Variants in RASEF observed in about 807,000 individuals in gnomAD.
RASEF encodes the protein ras and EF-hand domain-containing protein.
RASEF carries 68 observed loss-of-function variants against 90.1 expected under a neutral mutation model. That is an observed-to-expected ratio of 0.75 (90% CI 0.62 to 0.92). The LOEUF (loss-of-function observed/expected upper bound fraction) is 0.92, where lower values mean the gene tolerates loss of function less well. Among genes scored for constraint, RASEF ranks in the 40% least tolerant of loss-of-function variants. The pLI is 0.00. For synonymous variants in RASEF, 331 were observed against 345.2 expected (o/e 0.96, Z 0.46); for missense variants, 949 against 937.2 (o/e 1.01, Z -0.16).
Position 82,982,796 on chromosome 9 carries a change from A to C in RASEF, c.2118-14T>G. 1 of 1,212,932 alleles carries C rather than the reference A, an allele frequency of 8.2e-7. No homozygotes were observed. Among genetic ancestry groups the C allele is most frequent in the Non-Finnish European group, 1.2e-6 (1 of 837,270 alleles). 75.1% of individuals were successfully genotyped at this position (1,212,932 alleles called of 1,614,324 possible). On this transcript the variant is annotated splice_polypyrimidine_tract_variant and intron_variant, in intron 16 of 16. Transcript: ENST00000376447. ...TTTTTCACTTCTCTGAGACAGAGAT[A>C]GAGAGAGACAGAGAGAGAGAGAGAG...
At chr9:83,057,856 T>A (rs915975394) in intron 1 of RASEF, among the ~76,000 whole-genome samples, 1 of 145,082 alleles carries the variant, frequency 6.9e-6, no homozygotes, top group Admixed American at 6.8e-5. Flanking sequence ...CATATATATA[T>A]ATATATATAT....
At chr9:83,120,997 T>C in the RASEF span, among the ~76,000 whole-genome samples, 1 of 152,196 alleles carries the variant, frequency 6.6e-6, no homozygotes, top group Non-Finnish European at 1.5e-5. Context: ...AACCATTAAG[T>C]AGTTAAAGAT....
intron 1 of RASEF, among the ~76,000 whole-genome samples, chr9:83,049,669 T>A (rs1830005927): frequency 1.3e-5 from 2 of 149,078 alleles, no homozygotes; most frequent in South Asian, 2.1e-4. Flanking sequence ...TAGGTATATC[T>A]CCCAATGCTA....
chr9:83,009,388 T>G (rs991439329), intron 6 of RASEF, among the ~76,000 whole-genome samples: 2 of 152,178 alleles, frequency 1.3e-5, no homozygotes, highest in Admixed American at 1.3e-4. Flanking sequence ...GTATATTCTT[T>G]TAGCTCCCAG....
chr9:83,114,768 G>C, the RASEF span, among the ~76,000 whole-genome samples: 4 of 152,280 alleles, frequency 2.6e-5, no homozygotes, highest in Admixed American at 2.6e-4. Context: ...CAGACCGGTT[G>C]TCTGTTCTCA....
the RASEF span, among the ~76,000 whole-genome samples, chr9:83,102,757 G>A: frequency 3.3e-4 from 51 of 152,290 alleles, no homozygotes; most frequent in African/African-American, 1.2e-3. Flanking sequence ...CTGGGGCACA[G>A]GGGCCACCCC....
chr9:83,001,587 T>C (rs1487368128), intron 9 of RASEF, among the ~76,000 whole-genome samples: 1 of 152,128 alleles, frequency 6.6e-6, no homozygotes, highest in African/African-American at 2.4e-5. Context: ...AACCACAATG[T>C]CAGACTCAAG....
chr9:83,023,478 A>ACTCC (rs1213007719), intron 2 of RASEF, among the ~76,000 whole-genome samples: 1 of 151,350 alleles, frequency 6.6e-6, no homozygotes, highest in Non-Finnish European at 1.5e-5. Flanking sequence ...TGACTTATTT[A>ACTCC]CTCCCTCACA....
chr9:83,168,819 G>T, the RASEF span, among the ~76,000 whole-genome samples: 1 of 151,468 alleles, frequency 6.6e-6, no homozygotes, highest in Non-Finnish European at 1.5e-5. Flanking sequence ...ACAAACATTT[G>T]TCATTTATTT....
At chr9:83,098,804 G>A in the RASEF span, among the ~76,000 whole-genome samples, 54 of 152,180 alleles carry the variant, frequency 3.5e-4, no homozygotes, top group Middle Eastern at 3.4e-3. Context: ...ATTTGCTACC[G>A]TGAAAACAGG....
the RASEF span, among the ~76,000 whole-genome samples, chr9:83,092,131 C>T: frequency 1.4e-5 from 2 of 145,282 alleles, no homozygotes; most frequent in African/African-American, 5.1e-5. Context: ...TTTTTAATTG[C>T]TATGATGGAG....
rs536732427 is a variant in RASEF, at chr9:83,048,499, T to A, written c.431+13938A>T. Reference sequence around the variant, plus strand: ...CAGGAGACTATTTCTAAGTACTCAGTGCCTCGTGCAGTCCTGGGCATACAG... The same window carrying A: ...CAGGAGACTATTTCTAAGTACTCAGAGCCTCGTGCAGTCCTGGGCATACAG... On this transcript the variant is annotated intron_variant, in intron 1 of 16. Coordinates refer to ENST00000376447, the MANE Select transcript of RASEF (RefSeq NM_152573.4). 11 of 985,110 alleles carry A rather than the reference T, an allele frequency of 1.1e-5. No individual in the cohort carries two copies. The South Asian group carries it at 4.7e-4, about 42-fold the overall frequency. The allele number at this position is 985,110 out of a possible 1,614,324, so 61.0% of individuals were successfully genotyped here. A position where few individuals can be genotyped will look rare whatever the true frequency, so the allele number is the denominator to read the frequency against.
intron 1 of RASEF, chr9:83,048,375 C>T (rs1829970824): frequency 1.0e-6 from 1 of 985,314 alleles, no homozygotes; most frequent in South Asian, 4.7e-5. Context: ...GAGATCTGGA[C>T]CCAGGCCATC....
intron 16 of RASEF, among the ~76,000 whole-genome samples, chr9:82,988,786 C>G (rs1170497881): frequency 6.6e-6 from 1 of 152,140 alleles, no homozygotes; most frequent in Non-Finnish European, 1.5e-5. Flanking sequence ...GCTAAGTTTC[C>G]TGTAAAGACT....
chr9:83,167,592 T>C, the RASEF span, among the ~76,000 whole-genome samples: 1 of 152,104 alleles, frequency 6.6e-6, no homozygotes, highest in Non-Finnish European at 1.5e-5. Context: ...TTTCACAGAG[T>C]TGTGCAACCA....
At chr9:83,122,096 G>A in the RASEF span, among the ~76,000 whole-genome samples, 1 of 152,284 alleles carries the variant, frequency 6.6e-6, no homozygotes, top group South Asian at 2.1e-4. Context: ...ATTGGGGGAA[G>A]GGAAGGGCAA....
chr9:83,122,850 C>G, the RASEF span, among the ~76,000 whole-genome samples: 1 of 152,158 alleles, frequency 6.6e-6, no homozygotes, highest in Non-Finnish European at 1.5e-5. Context: ...GCAGTGATTT[C>G]TTCTGGGGGA....
the RASEF span, among the ~76,000 whole-genome samples, chr9:83,191,801 A>G: frequency 6.6e-6 from 1 of 152,320 alleles, no homozygotes; most frequent in East Asian, 1.9e-4. Context: ...TGAAAACATT[A>G]TTTGGAGATA....
the RASEF span, among the ~76,000 whole-genome samples, chr9:83,098,463 C>A: frequency 5.6e-3 from 852 of 152,164 alleles, 8 homozygotes; most frequent in African/African-American, 0.019. Flanking sequence ...ATAATTTTAA[C>A]CCTCATGATT....
Sources: gnomAD v4.1 joint callset for allele counts (sites outside exome capture counted in the v4.1 genomes callset) on GRCh38, gnomAD v4.1.1 for gene constraint, MANE v1.5 for transcripts, NCBI Gene and HGNC (gene_info 2026-07-23, HGNC 2026-07-21) for gene names.